The following DIP2B variants were observed in gnomAD, a reference collection of about 807,000 sequenced individuals.
The protein encoded by DIP2B is DIP2 acetate--CoA ligase B (putative).
In DIP2B, 76 loss-of-function variants were observed where a neutral mutation model predicts 198.0. The observed-to-expected ratio is 0.38, with a 90% CI of 0.32 to 0.46. DIP2B has a LOEUF of 0.46. DIP2B is among the 20% of genes least tolerant of loss of function. The probability of loss-of-function intolerance (pLI) is 0.99; values close to 1 mark genes in which losing one functional copy is unlikely to be tolerated. For synonymous variants in DIP2B, 701 were observed against 739.1 expected (o/e 0.95, Z 0.84); for missense variants, 1,559 against 1,978.4 (o/e 0.79, Z 4.02).
At chr12:50,722,682 C>G (rs993740974) in intron 26 of DIP2B, among the ~76,000 whole-genome samples, 1 of 152,176 alleles carries the variant, frequency 6.6e-6, no homozygotes, top group Non-Finnish European at 1.5e-5. Context: ...CGGTGAGAGG[C>G]CACGGGGAAG....
chr12:50,682,577 T>C (rs900015985), intron 9 of DIP2B, among the ~76,000 whole-genome samples: 7 of 132,638 alleles, frequency 5.3e-5, no homozygotes, highest in East Asian at 2.2e-4. Flanking sequence ...TGCAGTGAGC[T>C]GAGATCGCAC....
At chr12:50,657,254 C>G (rs1295700990) in intron 3 of DIP2B, among the ~76,000 whole-genome samples, 3 of 144,734 alleles carry the variant, frequency 2.1e-5, no homozygotes, top group African/African-American at 7.5e-5. Context: ...AAGTTGATTC[C>G]ACCAAGAATT....
At chr12:50,601,011 C>G (rs1051294538) in intron 1 of DIP2B, among the ~76,000 whole-genome samples, 11 of 151,878 alleles carry the variant, frequency 7.2e-5, no homozygotes, top group African/African-American at 2.2e-4. Context: ...CCTGCCTCAC[C>G]CATTGGAAGC....
At chr12:50,526,382 A>G (rs905236544) in intron 1 of DIP2B, among the ~76,000 whole-genome samples, 2 of 152,030 alleles carry the variant, frequency 1.3e-5, no homozygotes, top group African/African-American at 4.8e-5. Flanking sequence ...TCTGATTTTT[A>G]CACTTGACTT....
chr12:50,742,586 T>C (rs1310391550), intron 37 of DIP2B, among the ~76,000 whole-genome samples: 1 of 151,984 alleles, frequency 6.6e-6, no homozygotes, highest in Non-Finnish European at 1.5e-5. Context: ...GCTTTCCAGA[T>C]ACTTCTTTGT....
At chr12:50,543,776 T>C (rs1175091692) in intron 1 of DIP2B, among the ~76,000 whole-genome samples, 2 of 151,138 alleles carry the variant, frequency 1.3e-5, no homozygotes, top group Non-Finnish European at 1.5e-5. Flanking sequence ...ATACAAACAT[T>C]AGCTGGGCAT....
At chr12:50,727,289 T>G (rs1939954393) in intron 28 of DIP2B, among the ~76,000 whole-genome samples, 1 of 152,236 alleles carries the variant, frequency 6.6e-6, no homozygotes, top group Non-Finnish European at 1.5e-5. Context: ...TAAAAGTGCT[T>G]TATGTGAATT....
chr12:50,567,909 A>G (rs947724816), intron 1 of DIP2B, among the ~76,000 whole-genome samples: 12 of 151,894 alleles, frequency 7.9e-5, no homozygotes, highest in African/African-American at 2.7e-4. Flanking sequence ...AATTGGTCAT[A>G]TTTTCTTGGT....
At chr12:50,541,511 G>A (rs1958325905) in intron 1 of DIP2B, among the ~76,000 whole-genome samples, 1 of 150,298 alleles carries the variant, frequency 6.7e-6, no homozygotes, top group Admixed American at 6.7e-5. Flanking sequence ...ATCCTGTATT[G>A]TGGCTTACTG....
chr12:50,670,142 C>G (rs544230919), intron 4 of DIP2B, among the ~76,000 whole-genome samples: 4 of 109,352 alleles, frequency 3.7e-5, no homozygotes, highest in East Asian at 3.3e-4. Context: ...ACCCACCCCC[C>G]ACCCAGCACG....
chr12:50,540,398 C>T (rs1958312634), intron 1 of DIP2B, among the ~76,000 whole-genome samples: 1 of 151,426 alleles, frequency 6.6e-6, no homozygotes, highest in Non-Finnish European at 1.5e-5. Flanking sequence ...CGTGAGCCAC[C>T]GTGCCCAGCC....
intron 31 of DIP2B, among the ~76,000 whole-genome samples, chr12:50,731,956 A>G (rs1257948589): frequency 6.6e-6 from 1 of 152,242 alleles, no homozygotes; most frequent in African/African-American, 2.4e-5. Flanking sequence ...TGCAGATGAG[A>G]AAGTCAGAAG....
At chr12:50,566,797 G>A (rs1227258485) in intron 1 of DIP2B, among the ~76,000 whole-genome samples, 5 of 151,870 alleles carry the variant, frequency 3.3e-5, no homozygotes, top group South Asian at 2.1e-4. Context: ...GTGAAACCCC[G>A]TCTCTACTAA....
At chr12:50,566,971 C>CAAAA (rs34854416) in intron 1 of DIP2B, among the ~76,000 whole-genome samples, 92 of 76,868 alleles carry the variant, frequency 1.2e-3, no homozygotes, top group Middle Eastern at 6.0e-3. Flanking sequence ...GACTCCGTCT[C>CAAAA]AAAAAAAAAA....
At chr12:50,739,884 C>A (rs1340181116) in intron 36 of DIP2B, among the ~76,000 whole-genome samples, 1 of 152,232 alleles carries the variant, frequency 6.6e-6, no homozygotes, top group Admixed American at 6.5e-5. Context: ...AGGGCTGATT[C>A]ACATCCGGGA....
intron 1 of DIP2B, among the ~76,000 whole-genome samples, chr12:50,575,507 A>G (rs1958651487): frequency 6.6e-6 from 1 of 151,270 alleles, no homozygotes; most frequent in Non-Finnish European, 1.5e-5. Context: ...CTCAGCTCCC[A>G]AACTCCAGTC....
chr12:50,735,292 A>G (rs1484396431), intron 34 of DIP2B, among the ~76,000 whole-genome samples, 162 bp downstream of exon 34: 2 of 152,232 alleles, frequency 1.3e-5, no homozygotes, highest in Admixed American at 6.5e-5. Context: ...ATATGGGTAC[A>G]TAGATAAGAA....
At chr12:50,582,208 A>G (rs150975137) in intron 1 of DIP2B, among the ~76,000 whole-genome samples, 7 of 130,612 alleles carry the variant, frequency 5.4e-5, no homozygotes, top group African/African-American at 9.2e-5. Flanking sequence ...CTGGGGTTCA[A>G]TGGTGCGATC....
chr12:50,620,670 G>A (rs1937794434), intron 1 of DIP2B, among the ~76,000 whole-genome samples: 1 of 152,170 alleles, frequency 6.6e-6, no homozygotes, highest in Non-Finnish European at 1.5e-5. Context: ...TACCTTATAT[G>A]CCATTTTAAT....
Sources: gnomAD v4.1 joint callset for allele counts (sites outside exome capture counted in the v4.1 genomes callset) on GRCh38, gnomAD v4.1.1 for gene constraint, MANE v1.5 for transcripts, NCBI Gene and HGNC (gene_info 2026-07-23, HGNC 2026-07-21) for gene names.